Variants in WDR89 observed in about 807,000 individuals in gnomAD.
The protein encoded by WDR89 is WD repeat-containing protein 89.
A neutral mutation model predicts 29.1 loss-of-function variants in WDR89; 17 were observed. The ratio of observed to expected loss-of-function variants is 0.58; its 90% confidence interval spans 0.40 to 0.88. WDR89 has a LOEUF of 0.88. WDR89 is among the 40% of genes least tolerant of loss of function. The pLI, the probability that WDR89 is intolerant of heterozygous loss-of-function variation, is 0.00. For missense variants in WDR89, 396 were observed against 456.3 expected (o/e 0.87, Z 1.20); for synonymous variants, 138 against 157.8 (o/e 0.87, Z 0.94).
intron 2 of WDR89, among the ~76,000 whole-genome samples, chr14:63,617,214 G>T (rs1290328335): frequency 6.6e-6 from 1 of 151,538 alleles, no homozygotes; most frequent in Non-Finnish European, 1.5e-5. Flanking sequence ...AAGGAGCTCG[G>T]ATTACAGGCA....
intron 2 of WDR89, among the ~76,000 whole-genome samples, chr14:63,613,503 ATTTTTTTT>A (rs879462925): frequency 1.4e-5 from 2 of 139,212 alleles, no homozygotes; most frequent in Admixed American, 1.4e-4. Context: ...ATACTGCTGA[ATTTTTTTT>A]TTTTTTTTTG....
At chr14:63,611,383 GA>G (rs1881981796) in intron 2 of WDR89, among the ~76,000 whole-genome samples, 1 of 94,346 alleles carries the variant, frequency 1.1e-5, no homozygotes, top group Admixed American at 1.0e-4. Flanking sequence ...GAAAAAGAAA[GA>G]AAGACCAACA....
chr14:63,618,418 G>T (rs776239283), intron 2 of WDR89, among the ~76,000 whole-genome samples: 1 of 152,190 alleles, frequency 6.6e-6, no homozygotes, highest in African/African-American at 2.4e-5. Flanking sequence ...GCCTCCCAAA[G>T]TGCTGGGATT....
intron 2 of WDR89, among the ~76,000 whole-genome samples, chr14:63,603,940 G>C (rs575796580): frequency 6.6e-6 from 1 of 152,304 alleles, no homozygotes; most frequent in East Asian, 1.9e-4. Flanking sequence ...GCTTGCTCCT[G>C]CCTCAGGACT....
chr14:63,627,863 G>A (rs756930229), intron 1 of WDR89, among the ~76,000 whole-genome samples: 44 of 152,252 alleles, frequency 2.9e-4, no homozygotes, highest in Non-Finnish European at 5.3e-4. Context: ...GAGGTAGGAG[G>A]ATCGCTTGAG....
At chr14:63,613,572 C>T (rs55809156) in intron 2 of WDR89, among the ~76,000 whole-genome samples, 42 of 149,396 alleles carry the variant, frequency 2.8e-4, no homozygotes, top group Non-Finnish European at 4.7e-4. Context: ...GGCGTGATCT[C>T]GGCTCACTGC....
chr14:63,626,870 C>T (rs990397606), intron 1 of WDR89, among the ~76,000 whole-genome samples: 2 of 151,624 alleles, frequency 1.3e-5, no homozygotes, highest in Admixed American at 6.6e-5. Flanking sequence ...GTAATCCCAG[C>T]ACTTTGGGAG....
chr14:63,637,283 G>T (rs1160672571), intron 1 of WDR89, among the ~76,000 whole-genome samples: 1 of 152,174 alleles, frequency 6.6e-6, no homozygotes, highest in Non-Finnish European at 1.5e-5. Flanking sequence ...CGTGGATGTG[G>T]TAAACAGGGA....
At chr14:63,639,854 C>A (rs1352300927) in intron 1 of WDR89, among the ~76,000 whole-genome samples, 1 of 152,088 alleles carries the variant, frequency 6.6e-6, no homozygotes, top group Non-Finnish European at 1.5e-5. Flanking sequence ...CACAGTGGCT[C>A]GTGTGTAATC....
At chr14:63,640,237 A>G (rs568871116) in intron 1 of WDR89, among the ~76,000 whole-genome samples, 4 of 152,208 alleles carry the variant, frequency 2.6e-5, no homozygotes, top group Non-Finnish European at 4.4e-5. Context: ...AGGCTCCACA[A>G]GAAAGAATTT....
Position 63,599,081 on chromosome 14 carries a change from T to C in WDR89, c.862A>G (p.Thr288Ala), listed in dbSNP as rs1384109763. The C allele has an allele frequency of 2.5e-6, 4 of 1,614,124 alleles. No individual in the cohort carries two copies. The African/African-American group carries it at 4.0e-5, about 16-fold the overall frequency. ...IGGLYHEKTD[T>A]LHVIGGTNKG... Reference sequence around the variant, plus strand: ...TTTGTTCCTCCAATAACATGCAATGTGTCTGTCTTTTCATGATATAGGCCA... The same window carrying C: ...TTTGTTCCTCCAATAACATGCAATGCGTCTGTCTTTTCATGATATAGGCCA... Residue 288 changes from threonine to alanine, a missense_variant, in exon 3 of 3, where the codon ACA becomes GCA. By Grantham distance (58) the Thr-to-Ala change is moderately conservative. Coordinates refer to ENST00000620954, the MANE Select transcript of WDR89 (RefSeq NM_080666.4).
Position 63,604,911 on chromosome 14 carries a change from G to C in WDR89, c.-31-4938C>G, listed in dbSNP as rs80243909. Among the ~76,000 whole-genome samples, 112 of 152,164 alleles carry C rather than the reference G, an allele frequency of 7.4e-4. 1 individual carries two copies. The highest frequency in any genetic ancestry group is 1.3e-3 in the Non-Finnish European group (91 of 68,016). On this transcript the variant is annotated intron_variant, in intron 2 of 2. Transcript: ENST00000620954. ...TCCCAGCACTTTGGGAGGCCAAGCC[G>C]GGCAGCCAGGCAGATCACTTTAGCC...
intron 2 of WDR89, among the ~76,000 whole-genome samples, chr14:63,605,211 T>TACACAC (rs200461481): frequency 0.043 from 4,452 of 102,488 alleles, 105 homozygotes; most frequent in South Asian, 0.071. Flanking sequence ...TACATACACA[T>TACACAC]ACACACACAC....
intron 1 of WDR89, among the ~76,000 whole-genome samples, chr14:63,637,780 C>T (rs990123116): frequency 1.3e-5 from 2 of 151,690 alleles, no homozygotes; most frequent in Non-Finnish European, 2.9e-5. Flanking sequence ...AAGAATGATA[C>T]AATGGACTTT....
At chr14:63,635,387 A>G (rs1566802246) in intron 1 of WDR89, among the ~76,000 whole-genome samples, 1 of 152,238 alleles carries the variant, frequency 6.6e-6, no homozygotes, top group African/African-American at 2.4e-5. Context: ...TCACATGATC[A>G]TCTCAATAGA....
intron 2 of WDR89, among the ~76,000 whole-genome samples, chr14:63,624,310 T>C (rs1488107069): frequency 6.6e-6 from 1 of 151,112 alleles, no homozygotes; most frequent in Non-Finnish European, 1.5e-5. Flanking sequence ...CCATCAAAAA[T>C]ACAAAAATTA....
rs192330963 is a variant in WDR89, at chr14:63,615,649, G to A, written c.-32+9279C>T. On this transcript the variant is annotated intron_variant, in intron 2 of 2. Transcript: ENST00000620954. ...CCTACTCAAGAATTCAAAAACAGCC[G>A]GGCCCAGTGGCTCATGCCTGTAGTC... Among the ~76,000 whole-genome samples the A allele has an allele frequency of 6.9e-4, 105 of 152,210 alleles. 2 individuals are homozygous for A. In the East Asian group the frequency reaches 0.014, roughly 20 times the overall value.
chr14:63,630,413 C>T lies in WDR89; in HGVS notation c.-137-5380G>A, dbSNP rs562291659. On this transcript the variant is annotated intron_variant, in intron 1 of 2. Coordinates refer to ENST00000620954, the MANE Select transcript of WDR89 (RefSeq NM_080666.4). ...ATCACAGCACTTTGGGAGGCCAAGGCGGGAGGATCACCTGAGGTCAGGAGT... is the reference window on the plus strand; with the variant it reads ...ATCACAGCACTTTGGGAGGCCAAGGTGGGAGGATCACCTGAGGTCAGGAGT... Among the ~76,000 whole-genome samples the T allele has an allele frequency of 4.6e-3, 687 of 150,586 alleles. 4 individuals are homozygous for T. Among genetic ancestry groups the T allele is most frequent in the African/African-American group, 0.015 (611 of 41,054 alleles).
chr14:63,607,473 T>C (rs1895371081), intron 2 of WDR89, among the ~76,000 whole-genome samples: 3 of 152,144 alleles, frequency 2.0e-5, no homozygotes, highest in African/African-American at 4.8e-5. Flanking sequence ...GGAATGTGCA[T>C]GGAGTAGAGA....
Sources: allele counts gnomAD v4.1 joint callset (sites outside exome capture counted in the v4.1 genomes callset), GRCh38; gene constraint gnomAD v4.1.1; transcripts MANE v1.5; gene names NCBI Gene and HGNC (gene_info 2026-07-23, HGNC 2026-07-21).